The following OSBPL6 variants were observed in gnomAD, a reference collection of about 807,000 sequenced individuals.
The protein encoded by OSBPL6 is oxysterol-binding protein-related protein 6.
Under a neutral mutation model 125.8 loss-of-function variants are expected in OSBPL6, and 49 were observed. The observed-to-expected ratio is 0.39, with a 90% CI of 0.31 to 0.49. The LOEUF is 0.49. Ranked by LOEUF, OSBPL6 falls within the 20% of genes least tolerant of loss-of-function variation. The probability of loss-of-function intolerance (pLI) is 0.88; values close to 1 mark genes in which losing one functional copy is unlikely to be tolerated. For missense variants in OSBPL6, 986 were observed against 1,135.4 expected, an observed-to-expected ratio of 0.87 and a Z score of 1.89; for synonymous variants, 394 against 391.8, an observed-to-expected ratio of 1.01 and a Z score of -0.07.
intron 1 of OSBPL6, among the ~76,000 whole-genome samples, chr2:178,249,539 AT>A (rs1434596939): frequency 3.9e-5 from 6 of 151,990 alleles, no homozygotes; most frequent in Non-Finnish European, 7.4e-5. Context: ...ATTGATTGTC[AT>A]TTTTTTCTGT....
intron 11 of OSBPL6, among the ~76,000 whole-genome samples, chr2:178,345,325 G>T (rs1690595263): frequency 6.6e-6 from 1 of 152,222 alleles, no homozygotes; most frequent in Admixed American, 6.5e-5. Flanking sequence ...AGTTTTGGCT[G>T]CATTGCAGGA....
intron 11 of OSBPL6, chr2:178,344,328 C>T (rs769682301): frequency 7.4e-6 from 12 of 1,613,976 alleles, no homozygotes; most frequent in Admixed American, 1.7e-5. Context: ...AACTCGGCGC[C>T]GGCAGAGGCT....
chr2:178,349,921 C>T (rs926577709), intron 12 of OSBPL6, among the ~76,000 whole-genome samples: 2 of 152,132 alleles, frequency 1.3e-5, no homozygotes, highest in African/African-American at 4.8e-5. Context: ...GTGCCTAGCA[C>T]GTTGGCACGA....
At chr2:178,277,916 C>T (rs1351348630) in intron 1 of OSBPL6, among the ~76,000 whole-genome samples, 4 of 152,196 alleles carry the variant, frequency 2.6e-5, no homozygotes, top group Non-Finnish European at 4.4e-5. Context: ...TTCTGAACTT[C>T]GCTCCTGTTC....
chr2:178,330,534 G>A (rs183775109), intron 5 of OSBPL6, among the ~76,000 whole-genome samples: 42 of 152,176 alleles, frequency 2.8e-4, no homozygotes, highest in South Asian at 4.2e-4. Context: ...TTGTTGTCCC[G>A]CAGAACCTGT....
At chr2:178,358,512 T>A (rs1337639440) in intron 12 of OSBPL6, among the ~76,000 whole-genome samples, 1 of 152,154 alleles carries the variant, frequency 6.6e-6, no homozygotes, top group Non-Finnish European at 1.5e-5. Context: ...GATAGTTTGT[T>A]CAATGAAAGA....
chr2:178,249,593 G>A (rs2091614741), intron 1 of OSBPL6, among the ~76,000 whole-genome samples: 1 of 152,036 alleles, frequency 6.6e-6, no homozygotes, highest in Non-Finnish European at 1.5e-5. Flanking sequence ...ACCTTTTTCT[G>A]TCTATTTGCT....
intron 1 of OSBPL6, among the ~76,000 whole-genome samples, chr2:178,248,921 A>AT (rs1342458038): frequency 6.6e-6 from 1 of 151,746 alleles, no homozygotes; most frequent in African/African-American, 2.4e-5. Context: ...TACCTTTTGT[A>AT]TTTTTTATTT....
chr2:178,355,608 C>CA (rs1411652625), intron 12 of OSBPL6, among the ~76,000 whole-genome samples: 1 of 151,942 alleles, frequency 6.6e-6, no homozygotes, highest in Admixed American at 6.6e-5. Context: ...GCCTACCAAC[C>CA]AAAAAAAGTA....
At chr2:178,210,296 G>A (rs1174775893) in intron 1 of OSBPL6, among the ~76,000 whole-genome samples, 3 of 151,658 alleles carry the variant, frequency 2.0e-5, no homozygotes, top group Non-Finnish European at 4.4e-5. Context: ...TGGGATTGCA[G>A]GCATGAGCCA....
In OSBPL6 at chr2:178,395,508, G is replaced by A. The variant is rs1416632335; in HGVS notation, c.2754G>A (p.Glu918=). 1.2e-6 allele frequency: 2 copies of A among 1,613,806 alleles called. No individual in the cohort carries two copies. The highest frequency in any genetic ancestry group is 1.7e-6 in the Non-Finnish European group (2 of 1,179,814). The part of the protein sequence containing the change: ...EAWVSNDTYW[E]LRKDPGFSKV... ...GGGTTTCTAACGACACCTACTGGGA[G>A]CTTCGAAAGGACCCTGGGTTTAGCA... The change falls in exon 25 of 25, where the codon GAG becomes GAA. Residue 918 remains glutamate (E), a synonymous_variant. Coordinates refer to ENST00000190611, the MANE Select transcript of OSBPL6 (RefSeq NM_032523.4).
At chr2:178,266,815 T>C (rs76428899) in intron 1 of OSBPL6, among the ~76,000 whole-genome samples, 2 of 152,224 alleles carry the variant, frequency 1.3e-5, no homozygotes, top group East Asian at 3.8e-4. Flanking sequence ...GTTAACCACA[T>C]TCCATTGTGG....
intron 1 of OSBPL6, among the ~76,000 whole-genome samples, chr2:178,200,294 C>G (rs1365838665): frequency 6.7e-6 from 1 of 148,392 alleles, no homozygotes; most frequent in Non-Finnish European, 1.5e-5. Context: ...CTCTGTCACC[C>G]AGGCCCGAGT....
At position 178,233,040 on chromosome 2, in the gene OSBPL6, C is replaced by T. The variant is rs548781998; in HGVS notation, c.-351+38366C>T. Among the ~76,000 whole-genome samples the T allele has an allele frequency of 1.3e-5, 2 of 152,268 alleles. 1 individual carries two copies. Among genetic ancestry groups the T allele is most frequent in the African/African-American group, 4.8e-5 (2 of 41,560 alleles). Reference sequence around the variant, plus strand: ...TCCTGATGGCCTGAGTAGAAACACCCCATGGTGTACTGCCTAGATGGTAAT... The same window carrying T: ...TCCTGATGGCCTGAGTAGAAACACCTCATGGTGTACTGCCTAGATGGTAAT... On this transcript the variant is annotated intron_variant, in intron 1 of 24. Coordinates refer to ENST00000190611, the MANE Select transcript of OSBPL6 (RefSeq NM_032523.4).
chr2:178,379,059 T>A (rs10178521), intron 15 of OSBPL6, among the ~76,000 whole-genome samples: 82,365 of 151,090 alleles, frequency 0.55, 22,628 homozygotes, highest in East Asian at 0.71. Context: ...TGGTCCCAGC[T>A]CCTTCAGGAG....
chr2:178,238,047 C>G (rs897237861), intron 1 of OSBPL6, among the ~76,000 whole-genome samples: 4 of 152,186 alleles, frequency 2.6e-5, no homozygotes, highest in South Asian at 4.1e-4. Flanking sequence ...TGATTGTCTG[C>G]AACTTTTAAC....
intron 12 of OSBPL6, among the ~76,000 whole-genome samples, chr2:178,352,353 CTG>C (rs1691340611): frequency 1.3e-5 from 2 of 152,198 alleles, no homozygotes; most frequent in Non-Finnish European, 2.9e-5. Flanking sequence ...CCATGACAGA[CTG>C]TACCTGGAAA....
At chr2:178,299,822 C>T (rs554150333) in intron 2 of OSBPL6, among the ~76,000 whole-genome samples, 1 of 152,272 alleles carries the variant, frequency 6.6e-6, no homozygotes, top group African/African-American at 2.4e-5. Context: ...TTTCCCTTTT[C>T]CCACCCATCA....
intron 1 of OSBPL6, among the ~76,000 whole-genome samples, chr2:178,254,729 G>A (rs1336133336): frequency 6.6e-6 from 1 of 152,132 alleles, no homozygotes; most frequent in Non-Finnish European, 1.5e-5. Flanking sequence ...AAAATGCCAG[G>A]GAGTAGGTAG....
Sources: gnomAD v4.1 joint callset for allele counts (sites outside exome capture counted in the v4.1 genomes callset) on GRCh38, gnomAD v4.1.1 for gene constraint, MANE v1.5 for transcripts, NCBI Gene and HGNC (gene_info 2026-07-23, HGNC 2026-07-21) for gene names.